The following RBFOX1 variants were observed in gnomAD, a reference collection of about 807,000 sequenced individuals.
RBFOX1 encodes the protein RNA binding protein fox-1 homolog 1.
A neutral mutation model predicts 57.7 loss-of-function variants in RBFOX1; 8 were observed. That is an observed-to-expected ratio of 0.14 (90% confidence interval 0.08 to 0.25). The LOEUF (loss-of-function observed/expected upper bound fraction) is 0.25. RBFOX1 is among the 10% of genes least tolerant of loss of function. The pLI is 1.00. For missense variants in RBFOX1, 611 were observed against 548.5 expected (o/e 1.11, Z -1.14); for synonymous variants, 326 against 222.4 (o/e 1.47, Z -4.15).
At chr16:5,461,058 G>A (rs532834133) in intron 1 of RBFOX1, among the ~76,000 whole-genome samples, 50 of 152,224 alleles carry the variant, frequency 3.3e-4, no homozygotes, top group African/African-American at 1.1e-3. Flanking sequence ...TGGGGGTCCC[G>A]TCATTTCCAA....
chr16:6,600,906 T>G (rs915137503), intron 2 of RBFOX1, among the ~76,000 whole-genome samples: 2 of 152,222 alleles, frequency 1.3e-5, no homozygotes, highest in African/African-American at 2.4e-5. Context: ...GCCTCTAATA[T>G]GACTAAACAA....
At chr16:7,566,649 C>T (rs963591501) in intron 5 of RBFOX1, among the ~76,000 whole-genome samples, 6 of 152,136 alleles carry the variant, frequency 3.9e-5, no homozygotes, top group African/African-American at 1.2e-4. Context: ...GACCTCAGCA[C>T]AGTTTTCTTT....
At chr16:7,379,694 G>T (rs1037752018) in intron 4 of RBFOX1, among the ~76,000 whole-genome samples, 1 of 151,930 alleles carries the variant, frequency 6.6e-6, no homozygotes, top group African/African-American at 2.4e-5. Context: ...TATTTCTTAA[G>T]CTGGGTAGTA....
intron 4 of RBFOX1, among the ~76,000 whole-genome samples, chr16:7,440,482 A>C (rs1467577526): frequency 6.6e-6 from 1 of 152,152 alleles, no homozygotes; most frequent in Non-Finnish European, 1.5e-5. Flanking sequence ...TTATGAAGGC[A>C]CTGAGAGCCC....
At chr16:6,401,335 T>G (rs1567197373) in intron 2 of RBFOX1, among the ~76,000 whole-genome samples, 1 of 152,210 alleles carries the variant, frequency 6.6e-6, no homozygotes, top group African/African-American at 2.4e-5. Flanking sequence ...TGTACACTGA[T>G]ATAAATAAAT....
At chr16:6,545,475 A>C (rs1025276635) in intron 2 of RBFOX1, among the ~76,000 whole-genome samples, 15 of 151,892 alleles carry the variant, frequency 9.9e-5, no homozygotes, top group South Asian at 8.3e-4. Context: ...AGCCTTGGAG[A>C]CGTGTGCCTC....
At chr16:7,584,507 G>C (rs895082127) in intron 6 of RBFOX1, among the ~76,000 whole-genome samples, 2 of 152,070 alleles carry the variant, frequency 1.3e-5, no homozygotes, top group African/African-American at 4.8e-5. Flanking sequence ...TGGCCATCCT[G>C]GTCCCAAACT....
Position 5,592,214 on chromosome 16 carries a change from C to T in RBFOX1, c.259-6688C>T, listed in dbSNP as rs564932906. 1.4e-4 allele frequency among the ~76,000 whole-genome samples: 21 copies of T among 151,920 alleles called. 1 individual carries two copies. The East Asian group carries it at 2.5e-3, about 18-fold the overall frequency. On this transcript the variant is annotated intron_variant, in intron 2 of 2. Transcript: ENST00000585867. ...TTGGTGTTTTCCTTATTGACTGGGGCGAAGCTCTTTATAAATGATGTTATC... is the reference window on the plus strand; with the variant it reads ...TTGGTGTTTTCCTTATTGACTGGGGTGAAGCTCTTTATAAATGATGTTATC...
chr16:6,393,497 A>T (rs984616074), intron 2 of RBFOX1, among the ~76,000 whole-genome samples: 2 of 152,190 alleles, frequency 1.3e-5, no homozygotes, highest in African/African-American at 2.4e-5. Flanking sequence ...TGCATGGAAC[A>T]GGAAATCTTT....
intron 10 of RBFOX1, among the ~76,000 whole-genome samples, chr16:7,626,618 G>A (rs927393713): frequency 6.6e-6 from 1 of 152,270 alleles, no homozygotes; most frequent in Middle Eastern, 3.4e-3. Context: ...GAGTGGGTGA[G>A]CCAACTTTAT....
At chr16:5,954,797 G>A (rs960608159) in intron 4 of RBFOX1, among the ~76,000 whole-genome samples, 9 of 152,096 alleles carry the variant, frequency 5.9e-5, no homozygotes, top group Non-Finnish European at 1.0e-4. Flanking sequence ...CCTTCCTGCA[G>A]CCTCTTTACC....
chr16:6,978,905 A>G (rs997653656), intron 3 of RBFOX1, among the ~76,000 whole-genome samples: 2 of 152,062 alleles, frequency 1.3e-5, no homozygotes, highest in Non-Finnish European at 2.9e-5. Context: ...TGCAGAGTGC[A>G]TTGGAAGGGC....
At chr16:7,177,506 C>CA (rs2081922877) in intron 4 of RBFOX1, among the ~76,000 whole-genome samples, 1 of 150,872 alleles carries the variant, frequency 6.6e-6, no homozygotes, top group Admixed American at 6.6e-5. Flanking sequence ...AAAAAGAATA[C>CA]AAAAAGAAGT....
At chr16:5,549,592 A>T (rs538530612) in intron 2 of RBFOX1, among the ~76,000 whole-genome samples, 2 of 152,350 alleles carry the variant, frequency 1.3e-5, no homozygotes, top group South Asian at 4.1e-4. Context: ...TATACTATGC[A>T]GAATTGCACA....
At chr16:5,948,711 C>A (rs931302486) in intron 4 of RBFOX1, among the ~76,000 whole-genome samples, 2 of 152,156 alleles carry the variant, frequency 1.3e-5, no homozygotes, top group African/African-American at 4.8e-5. Flanking sequence ...CTCAGAGCCG[C>A]AGGATGGAAC....
At chr16:5,265,308 T>G (rs1201842386) in intron 1 of RBFOX1, among the ~76,000 whole-genome samples, 1 of 150,602 alleles carries the variant, frequency 6.6e-6, no homozygotes, top group Non-Finnish European at 1.5e-5. Flanking sequence ...GGTACAGCCA[T>G]GAACCACCCT....
intron 4 of RBFOX1, among the ~76,000 whole-genome samples, chr16:7,107,150 C>A (rs1374874974): frequency 6.6e-6 from 1 of 152,048 alleles, no homozygotes; most frequent in East Asian, 1.9e-4. Context: ...AACATTGTAT[C>A]CAGGGAGAAC....
chr16:7,489,638 C>T (rs921744619), intron 4 of RBFOX1, among the ~76,000 whole-genome samples: 2 of 152,046 alleles, frequency 1.3e-5, no homozygotes, highest in Admixed American at 1.3e-4. Flanking sequence ...ACGTCAGTCT[C>T]CCGAGTAGCT....
At chr16:7,058,798 C>G (rs1157973709) in intron 4 of RBFOX1, among the ~76,000 whole-genome samples, 9 of 152,092 alleles carry the variant, frequency 5.9e-5, no homozygotes, top group Admixed American at 5.2e-4. Flanking sequence ...CCTTGGCACA[C>G]ATCGTATTTT....
Sources: allele counts gnomAD v4.1 joint callset (sites outside exome capture counted in the v4.1 genomes callset), GRCh38; gene constraint gnomAD v4.1.1; transcripts MANE v1.5; gene names NCBI Gene and HGNC (gene_info 2026-07-23, HGNC 2026-07-21).